The following FOXJ2 variants were observed in gnomAD, a reference collection of about 807,000 sequenced individuals.
FOXJ2 encodes forkhead box J2.
A neutral mutation model predicts 68.4 loss-of-function variants in FOXJ2; 18 were observed. The observed-to-expected ratio is 0.26, with a 90% CI of 0.18 to 0.39. The LOEUF (loss-of-function observed/expected upper bound fraction) is 0.39, where lower values mean the gene tolerates loss of function less well. Ranked by LOEUF, FOXJ2 falls within the 10% of genes least tolerant of loss-of-function variation. The probability of loss-of-function intolerance (pLI) is 1.00; values close to 1 mark genes in which losing one functional copy is unlikely to be tolerated. For missense variants in FOXJ2, 670 were observed against 726.5 expected (o/e 0.92, Z 0.89); for synonymous variants, 274 against 263.2 (o/e 1.04, Z -0.40).
rs1299481836 is a variant in FOXJ2, at chr12:8,052,925, C to T, written c.*75C>T. 6.2e-6 allele frequency: 7 copies of T among 1,120,556 alleles called. No homozygotes were observed. The highest frequency in any genetic ancestry group is 3.9e-5 in the Admixed American group (2 of 51,092). The allele number at this position is 1,120,556 out of a possible 1,614,324, so 69.4% of individuals were successfully genotyped here. ...CAGTGGGGAAAGAGCAACCCCAGCC[C>T]GTCCCTTCCCCCCGTCTGTATATAG... On this transcript the variant is annotated 3_prime_UTR_variant, in exon 11 of 11. Transcript: ENST00000162391.
At chr12:8,050,343 C>T in intron 9 of FOXJ2, 179 bp from the exon 10 acceptor site, 2 of 1,368,126 alleles carry the variant, frequency 1.5e-6, no homozygotes, top group Non-Finnish European at 1.9e-6. Flanking sequence ...TTTCTTTTTA[C>T]CCTCAGTGGT....
At chr12:8,047,517 CT>C (rs768195025) in intron 6 of FOXJ2, among the ~76,000 whole-genome samples, 134 of 146,060 alleles carry the variant, frequency 9.2e-4, no homozygotes, top group Admixed American at 1.1e-3. Flanking sequence ...TTCTGATTTA[CT>C]TTTTTTTTTT....
Position 8,049,827 on chromosome 12 carries a change from G to T in FOXJ2, c.1537+256G>T, listed in dbSNP as rs1269722751. Reference sequence around the variant, plus strand: ...CAGAATTGTTTAAGAAAAGGGAGGAGATTTGTTAGAGAAAGGCTGTATTTT... The same window carrying T: ...CAGAATTGTTTAAGAAAAGGGAGGATATTTGTTAGAGAAAGGCTGTATTTT... On this transcript the variant is annotated intron_variant, in intron 9 of 10. Coordinates refer to ENST00000162391, the MANE Select transcript of FOXJ2 (RefSeq NM_018416.3). 1.6e-5 allele frequency: 7 copies of T among 439,996 alleles called. No homozygotes were observed. The East Asian group carries it at 2.4e-4, about 15-fold the overall frequency. 27.3% of individuals were successfully genotyped at this position (439,996 alleles called of 1,614,324 possible).
In FOXJ2 at chr12:8,044,741, T is replaced by C; in HGVS notation, c.619-19T>C. The C allele has an allele frequency of 6.2e-7, 1 of 1,613,056 alleles. No individual in the cohort carries two copies. The highest frequency in any genetic ancestry group is 8.5e-7 in the Non-Finnish European group (1 of 1,179,766). On this transcript the variant is annotated intron_variant, in intron 5 of 10. Transcript: ENST00000162391. Reference sequence around the variant, plus strand: ...CTCAGCTGGGACACTGATCAGGAATTTCTTACCTGTTTTTGCAGGGCACAG... The same window carrying C: ...CTCAGCTGGGACACTGATCAGGAATCTCTTACCTGTTTTTGCAGGGCACAG...
intron 10 of FOXJ2, 63 bp downstream of exon 10, chr12:8,050,683 G>A: frequency 1.9e-6 from 3 of 1,574,424 alleles, no homozygotes; most frequent in Non-Finnish European, 2.6e-6. Flanking sequence ...GCTTTCCTTT[G>A]ACTCTGAGCT....
In FOXJ2 at chr12:8,035,047, G is replaced by A. The variant is rs761050956; in HGVS notation, c.-15+1214G>A. ...ATTTCCTCCTCTCTCTGGGGCATGG[G>A]TGAGGTCTACCTAAATTCCTGAGTA... On this transcript the variant is annotated intron_variant, in intron 1 of 10. Coordinates refer to ENST00000162391, the MANE Select transcript of FOXJ2 (RefSeq NM_018416.3). The surrounding 1 kb of genome is among the most constrained non-coding windows in gnomAD (Gnocchi z 4.0). 1.3e-5 allele frequency among the ~76,000 whole-genome samples: 2 copies of A among 152,330 alleles called. No individual in the cohort carries two copies. Among genetic ancestry groups the A allele is most frequent in the South Asian group, 4.1e-4 (2 of 4,828 alleles).
chr12:8,052,049 G>A (rs751544073), intron 10 of FOXJ2, among the ~76,000 whole-genome samples: 6 of 151,704 alleles, frequency 4.0e-5, no homozygotes, highest in Admixed American at 3.3e-4. Context: ...TTATTTTTTA[G>A]TAGAGACAGG....
rs745880833 is a variant in FOXJ2 at position 8,044,808 on chromosome 12, C to A, written c.667C>A (p.Arg223=). The change falls in exon 6 of 11, where the codon CGA becomes AGA. Residue 223 remains arginine, a synonymous_variant. Transcript: ENST00000162391. ...AGCAGTGGCAGCAGGGGCTTCAGGC[C>A]GAGAAAGTGCTGAGGGTCCCCCTCC... is the stretch of plus-strand genomic sequence containing the variant. ...GGAVAAGASG[R]ESAEGPPPLY... The A allele has an allele frequency of 1.1e-5, 17 of 1,613,786 alleles. No individual in the cohort carries two copies. The Admixed American group carries it at 2.8e-4, about 27-fold the overall frequency.
At position 8,040,889 on chromosome 12, in the gene FOXJ2, G is replaced by A. The variant is rs1946956126; in HGVS notation, c.333+724G>A. On this transcript the variant is annotated intron_variant, in intron 2 of 10. Transcript: ENST00000162391. This position sits in a 1 kb window ranked among gnomAD's most constrained non-coding sequence, Gnocchi z 4.0. ...CAGATTTCCATAGCTCCATTGCACA[G>A]TCATCATCTTTTGAAAAGCTGCATT... 6.6e-6 allele frequency among the ~76,000 whole-genome samples: 1 copy of A among 152,184 alleles called. No homozygotes were observed. The highest frequency in any genetic ancestry group is 6.5e-5 in the Admixed American group (1 of 15,268).
At position 8,039,939 on chromosome 12, in the gene FOXJ2, C is replaced by A. The variant is rs770462460; in HGVS notation, c.107C>A (p.Pro36His). Reference protein sequence around the residue: ...KLGSASQAGPPGSSRKCSPGS... With the variant: ...KLGSASQAGPHGSSRKCSPGS... The stretch of plus-strand genomic sequence containing the variant: ...GGAAGTGCCTCCCAGGCTGGGCCTC[C>A]CGGGAGCAGCCGCAAGTGTTCACCA... Residue 36 changes from proline (P) to histidine (H), a missense_variant, in exon 2 of 11, where the codon CCC (proline) becomes CAC (histidine). Pro to His is a moderately conservative substitution (Grantham distance 77, BLOSUM62 -2). Around this residue, in one of 2 missense-constraint regions of FOXJ2, gnomAD observed 115 missense variants for 164.3 expected, o/e 0.70. Coordinates refer to ENST00000162391, the MANE Select transcript of FOXJ2 (RefSeq NM_018416.3). The A allele has an allele frequency of 1.2e-6, 2 of 1,613,994 alleles. No individual in the cohort carries two copies. The highest frequency in any genetic ancestry group is 2.7e-5 in the African/African-American group (2 of 74,890).
chr12:8,049,222 G>A (rs771174661), intron 8 of FOXJ2, 140 bp from the exon 9 acceptor site: 3 of 678,636 alleles, frequency 4.4e-6, no homozygotes, highest in African/African-American at 1.8e-5. Flanking sequence ...GCAGAGCTCT[G>A]AAAGATATAA....
rs939625240 is a variant in FOXJ2 at position 8,040,316 on chromosome 12, T to C, written c.333+151T>C. 3.6e-6 allele frequency: 3 copies of C among 828,050 alleles called. No individual in the cohort carries two copies. The highest frequency in any genetic ancestry group is 5.5e-6 in the Non-Finnish European group (3 of 546,146). The allele number at this position is 828,050 out of a possible 1,614,324, so 51.3% of individuals were successfully genotyped here. On this transcript the variant is annotated intron_variant, in intron 2 of 10. Transcript: ENST00000162391. The surrounding 1 kb of genome is among the most constrained non-coding windows in gnomAD (Gnocchi z 4.0). ...AAATCTCATATGTTCTGCCCTCTACTTTTTTTTCAGAGTTGAACAACTTTT... is the reference window on the plus strand; with the variant it reads ...AAATCTCATATGTTCTGCCCTCTACCTTTTTTTCAGAGTTGAACAACTTTT...
chr12:8,050,485 C>A (rs201193662), intron 9 of FOXJ2, 37 bp from the exon 10 acceptor site: 9 of 1,598,716 alleles, frequency 5.6e-6, no homozygotes, highest in Admixed American at 3.6e-5. Flanking sequence ...GTGACCCGCC[C>A]CCCCCAACTC....
intron 2 of FOXJ2, among the ~76,000 whole-genome samples, chr12:8,041,333 C>T (rs922245292): frequency 5.3e-5 from 8 of 151,868 alleles, no homozygotes; most frequent in Non-Finnish European, 1.0e-4. Flanking sequence ...TCCCGAGTAG[C>T]TGGGATTACA....
rs894038454 is a variant in FOXJ2 at position 8,039,707 on chromosome 12, C to A, written c.-14-112C>A. Reference sequence around the variant, plus strand: ...GGGAACACCTGGTGGAAGGCCATGCCATGGGTGTCTTATGGGAATGAGAGT... The same window carrying A: ...GGGAACACCTGGTGGAAGGCCATGCAATGGGTGTCTTATGGGAATGAGAGT... On this transcript the variant is annotated intron_variant, in intron 1 of 10. Transcript: ENST00000162391. The A allele has an allele frequency of 2.5e-5, 23 of 902,000 alleles. No homozygotes were observed. In the African/African-American group the frequency reaches 2.8e-4, roughly 11 times the overall value. The allele number at this position is 902,000 out of a possible 1,614,324, so 55.9% of individuals were successfully genotyped here. A position where few individuals can be genotyped will look rare whatever the true frequency, so the allele number is the denominator to read the frequency against.
intron 1 of FOXJ2, among the ~76,000 whole-genome samples, chr12:8,039,459 GCTAT>G (rs952601740): frequency 3.9e-5 from 6 of 152,236 alleles, no homozygotes; most frequent in African/African-American, 7.2e-5. Flanking sequence ...AATTTTACCT[GCTAT>G]CTAAGTGGGG....
chr12:8,047,855 A>G (rs1947058632), intron 6 of FOXJ2, 27 bp from the exon 7 acceptor site: 2 of 1,549,512 alleles, frequency 1.3e-6, no homozygotes, highest in Non-Finnish European at 1.7e-6. Context: ...TGCTTAAGTC[A>G]CTTGCCTGCT....
At chr12:8,050,134 C>T in intron 9 of FOXJ2, 1 of 200,558 alleles carries the variant, frequency 5.0e-6, no homozygotes, top group Non-Finnish European at 9.7e-6. Context: ...CCATGCCCAG[C>T]TAATTTTTTT....
chr12:8,040,571 G>A lies in FOXJ2; in HGVS notation c.333+406G>A, dbSNP rs1338840129. Among the ~76,000 whole-genome samples, 10 of 151,888 alleles carry A rather than the reference G, an allele frequency of 6.6e-5. No homozygotes were observed. Among genetic ancestry groups the A allele is most frequent in the East Asian group, 1.9e-4 (1 of 5,176 alleles). ...TGAGTAGTTGGGATTACAGGTGCCC[G>A]CCACCGTGCCCGGCTGATTTTTTGT... On this transcript the variant is annotated intron_variant, in intron 2 of 10. Coordinates refer to ENST00000162391, the MANE Select transcript of FOXJ2 (RefSeq NM_018416.3). The surrounding 1 kb of genome is among the most constrained non-coding windows in gnomAD (Gnocchi z 4.0).
Sources: gnomAD v4.1 joint callset for allele counts (sites outside exome capture counted in the v4.1 genomes callset) on GRCh38, gnomAD v4.1.1 for gene constraint, gnomAD v4.1.1 regional missense constraint, Gnocchi (gnomAD v3.1) non-coding constraint, MANE v1.5 for transcripts, NCBI Gene and HGNC (gene_info 2026-07-23, HGNC 2026-07-21) for gene names.